CCDC134: variants seen among roughly 807,000 people sequenced by gnomAD.
CCDC134 encodes the protein coiled-coil domain containing 134.
Under a neutral mutation model 25.6 loss-of-function variants are expected in CCDC134, and 27 were observed. The ratio of observed to expected loss-of-function variants is 1.05; its 90% CI spans 0.78 to 1.45. CCDC134 has a LOEUF of 1.45. Ranked by LOEUF, CCDC134 falls within the 40% of genes most tolerant of loss-of-function variation. The pLI, the probability that CCDC134 is intolerant of heterozygous loss-of-function variation, is 0.00. For missense variants in CCDC134, 261 were observed against 286.7 expected, an observed-to-expected ratio of 0.91 and a Z score of 0.65; for synonymous variants, 110 against 115.0, an observed-to-expected ratio of 0.96 and a Z score of 0.28.
At chr22:41,804,336 A>G (rs2076557987) in intron 1 of CCDC134, among the ~76,000 whole-genome samples, 1 of 152,188 alleles carries the variant, frequency 6.6e-6, no homozygotes, top group African/African-American at 2.4e-5. Flanking sequence ...AAGTTCATCT[A>G]GTTTCAACTT....
At chr22:41,811,174 ACTTTTGG>A in intron 4 of CCDC134, among the ~76,000 whole-genome samples, 1 of 152,172 alleles carries the variant, frequency 6.6e-6, no homozygotes, top group South Asian at 2.1e-4. Context: ...ACACAGTTAC[ACTTTTGG>A]CTAACCTGGA....
Position 41,832,074 on chromosome 22 carries a change from TCA to T in CCDC134, c.*6254_*6255del, listed in dbSNP as rs2076715095. On this transcript the variant is annotated 3_prime_UTR_variant, in exon 7 of 7. Transcript: ENST00000255784. ...TTGATCACTAAGCAACAGCTGCCTC[TCA>T]CAAACTGGCAGGAAACTTCAACTTT... 6.6e-6 allele frequency: 1 copy of T among 152,222 alleles called. No individual in the cohort carries two copies. Among genetic ancestry groups the T allele is most frequent in the Non-Finnish European group, 1.5e-5 (1 of 68,040 alleles). 9.4% of individuals were successfully genotyped at this position (152,222 alleles called of 1,614,324 possible). A position where few individuals can be genotyped will look rare whatever the true frequency, so the allele number is the denominator to read the frequency against.
At chr22:41,823,049 G>A (rs1283361391) in intron 6 of CCDC134, among the ~76,000 whole-genome samples, 1 of 152,152 alleles carries the variant, frequency 6.6e-6, no homozygotes, top group Non-Finnish European at 1.5e-5. Flanking sequence ...TTACAGCACA[G>A]CTACCTGAGT....
chr22:41,807,778 T>G (rs1280286461), intron 1 of CCDC134, among the ~76,000 whole-genome samples: 4 of 152,026 alleles, frequency 2.6e-5, no homozygotes, highest in Admixed American at 2.6e-4. Flanking sequence ...TCCCAGTATT[T>G]GGGAGGCTGG....
chr22:41,823,148 A>C lies in CCDC134; in HGVS notation c.565-2550A>C, dbSNP rs150313366. 1.1e-3 allele frequency among the ~76,000 whole-genome samples: 163 copies of C among 152,140 alleles called. 1 individual carries two copies. The highest frequency in any genetic ancestry group is 3.8e-3 in the African/African-American group (159 of 41,480). ...GAATCTATGTATTACAAACCAATTT[A>C]CCATAGGGTAATAGATATAAATAAG... On this transcript the variant is annotated intron_variant, in intron 6 of 6. Transcript: ENST00000255784.
At chr22:41,809,165 G>A (rs921454588) in intron 2 of CCDC134, among the ~76,000 whole-genome samples, 172 bp downstream of exon 2, 5 of 152,186 alleles carry the variant, frequency 3.3e-5, no homozygotes, top group African/African-American at 9.7e-5. Context: ...TTCAGCTTCC[G>A]CGTATGGTAA....
chr22:41,828,885 T>C lies in CCDC134; in HGVS notation c.*3062T>C, dbSNP rs2076691925. 6.6e-6 allele frequency among the ~76,000 whole-genome samples: 1 copy of C among 152,166 alleles called. No homozygotes were observed. Among genetic ancestry groups the C allele is most frequent in the African/African-American group, 2.4e-5 (1 of 41,428 alleles). ...GGGTGCCCAGTGGTGGCAACAGTGG[T>C]GTTTTCAGTGTGATCTTGGACATTG... is the stretch of plus-strand genomic sequence containing the variant. On this transcript the variant is annotated 3_prime_UTR_variant, in exon 7 of 7. Coordinates refer to ENST00000255784, the MANE Select transcript of CCDC134 (RefSeq NM_024821.5).
In CCDC134 at chr22:41,827,311, A is replaced by ACT. The variant is rs1199271397; in HGVS notation, c.*1490_*1491dup. On this transcript the variant is annotated 3_prime_UTR_variant, in exon 7 of 7. Transcript: ENST00000255784. ...GAGGCAGGGCAGTGTGGTGGGACTG[A>ACT]CTCAACAGACATAGTTTCATCTCCA... 2.0e-5 allele frequency among the ~76,000 whole-genome samples: 3 copies of ACT among 152,008 alleles called. No individual in the cohort carries two copies. The highest frequency in any genetic ancestry group is 4.4e-5 in the Non-Finnish European group (3 of 67,982).
chr22:41,826,963 C>T lies in CCDC134; in HGVS notation c.*1140C>T, dbSNP rs186050252. On this transcript the variant is annotated 3_prime_UTR_variant, in exon 7 of 7. Transcript: ENST00000255784. ...ACCACTGACAGAGCACAAGTGAGAT[C>T]TGAGTGTTAGCCCTTCAGATTTGCT... 6.6e-6 allele frequency among the ~76,000 whole-genome samples: 1 copy of T among 152,390 alleles called. No homozygotes were observed. Among genetic ancestry groups the T allele is most frequent in the Non-Finnish European group, 1.5e-5 (1 of 68,032 alleles).
intron 4 of CCDC134, among the ~76,000 whole-genome samples, chr22:41,811,327 C>G (rs2076594811): frequency 6.6e-6 from 1 of 152,200 alleles, no homozygotes; most frequent in Admixed American, 6.5e-5. Context: ...CTGAACAGAA[C>G]CATGTCTCAG....
chr22:41,820,905 G>A (rs990291738), intron 6 of CCDC134, among the ~76,000 whole-genome samples: 2 of 152,160 alleles, frequency 1.3e-5, no homozygotes, highest in African/African-American at 2.4e-5. Context: ...ACCAAAAGCC[G>A]TGAGACAGGA....
intron 6 of CCDC134, among the ~76,000 whole-genome samples, chr22:41,819,055 C>T (rs2076636274): frequency 6.6e-6 from 1 of 152,222 alleles, no homozygotes; most frequent in Admixed American, 6.5e-5. Flanking sequence ...ACTTTCCTTA[C>T]ATGCTGGATG....
chr22:41,805,931 C>CAGAAA (rs1001759196), intron 1 of CCDC134, among the ~76,000 whole-genome samples: 1 of 152,008 alleles, frequency 6.6e-6, no homozygotes, highest in African/African-American at 2.4e-5. Flanking sequence ...TAAATAAATA[C>CAGAAA]AGAAAAGAAA....
rs1425926941 is a variant in CCDC134, at chr22:41,827,779, T to C, written c.*1956T>C. 6.6e-6 allele frequency among the ~76,000 whole-genome samples: 1 copy of C among 152,216 alleles called. No individual in the cohort carries two copies. Among genetic ancestry groups the C allele is most frequent in the African/African-American group, 2.4e-5 (1 of 41,462 alleles). ...CTGCATCAACGGGAAAGGGTCAGATTCACTGGCTCAGCTGTTTAACCTGTC... is the reference window on the plus strand; with the variant it reads ...CTGCATCAACGGGAAAGGGTCAGATCCACTGGCTCAGCTGTTTAACCTGTC... On this transcript the variant is annotated 3_prime_UTR_variant, in exon 7 of 7. Coordinates refer to ENST00000255784, the MANE Select transcript of CCDC134 (RefSeq NM_024821.5).
chr22:41,809,838 C>G (rs954849987), intron 2 of CCDC134, 41 bp from the exon 3 acceptor site: 17 of 1,612,270 alleles, frequency 1.1e-5, no homozygotes, highest in Non-Finnish European at 1.3e-5. Flanking sequence ...ATTGTCCAGG[C>G]AGGGCTATTG....
At chr22:41,814,217 G>C (rs1250331047) in intron 6 of CCDC134, among the ~76,000 whole-genome samples, 1 of 152,150 alleles carries the variant, frequency 6.6e-6, no homozygotes, top group East Asian at 1.9e-4. Flanking sequence ...TCTCATTCCA[G>C]GGGTTCCAGG....
Position 41,813,809 on chromosome 22 carries a change from T to G in CCDC134, c.551T>G (p.Ile184Ser), listed in dbSNP as rs780048479. The part of the protein sequence containing the change: ...KDSNFQNPFK[I>S]DRTEFIPSTD... ...TCCAACTTCCAGAACCCATTTAAAATCGACCGCACAGAGGTGAGCTGCCAG... is the reference window on the plus strand; with the variant it reads ...TCCAACTTCCAGAACCCATTTAAAAGCGACCGCACAGAGGTGAGCTGCCAG... Residue 184 changes from isoleucine (I) to serine (S), a missense_variant, in exon 6 of 7, where the codon ATC becomes AGC. By Grantham distance (142) the Ile-to-Ser change is moderately radical (BLOSUM62 -2). Coordinates refer to ENST00000255784, the MANE Select transcript of CCDC134 (RefSeq NM_024821.5). 1 of 1,614,186 alleles carries G rather than the reference T, an allele frequency of 6.2e-7. No homozygotes were observed. Among genetic ancestry groups the G allele is most frequent in the Admixed American group, 1.7e-5 (1 of 60,030 alleles).
chr22:41,825,649 G>T lies in CCDC134; in HGVS notation c.565-49G>T. 6.2e-7 allele frequency: 1 copy of T among 1,610,770 alleles called. No individual in the cohort carries two copies. The highest frequency in any genetic ancestry group is 8.5e-7 in the Non-Finnish European group (1 of 1,177,938). Reference sequence around the variant, plus strand: ...CCGCTGGTGGCCTAGCTCAGAGCAGGCTCTTTGCTGCCACAGACTAAATCA... The same window carrying T: ...CCGCTGGTGGCCTAGCTCAGAGCAGTCTCTTTGCTGCCACAGACTAAATCA... On this transcript the variant is annotated intron_variant, in intron 6 of 6. Transcript: ENST00000255784. The surrounding 1 kb of genome is among the most constrained non-coding windows in gnomAD (Gnocchi z 4.4).
chr22:41,824,206 T>C (rs1223144490), intron 6 of CCDC134, among the ~76,000 whole-genome samples: 1 of 151,996 alleles, frequency 6.6e-6, no homozygotes. Context: ...AGGGCAGGTC[T>C]AGAGGGCAGT....
Sources: allele counts gnomAD v4.1 joint callset (sites outside exome capture counted in the v4.1 genomes callset), GRCh38; gene constraint gnomAD v4.1.1; non-coding constraint Gnocchi (gnomAD v3.1); transcripts MANE v1.5; gene names NCBI Gene and HGNC (gene_info 2026-07-23, HGNC 2026-07-21).